Variants in TNKS observed in about 807,000 individuals in gnomAD.
TNKS encodes the protein poly [ADP-ribose] polymerase tankyrase-1.
Under a neutral mutation model 135.8 loss-of-function variants are expected in TNKS, and 72 were observed. That is an observed-to-expected ratio of 0.53 (90% CI 0.44 to 0.64). The LOEUF is 0.64. TNKS is among the 30% of genes least tolerant of loss of function. The probability of loss-of-function intolerance (pLI) is 0.00; values close to 1 mark genes in which losing one functional copy is unlikely to be tolerated. For synonymous variants in TNKS, 849 were observed against 649.3 expected (o/e 1.31, Z -4.68); for missense variants, 1,769 against 1,674.0 (o/e 1.06, Z -0.99).
intron 18 of TNKS, among the ~76,000 whole-genome samples, chr8:9,750,871 C>G (rs1474646019): frequency 6.6e-6 from 1 of 152,238 alleles, no homozygotes; most frequent in Non-Finnish European, 1.5e-5. Context: ...TTTCATCCCG[C>G]AGGGCTCTCC....
chr8:9,723,620 T>G (rs1805015564), intron 12 of TNKS, among the ~76,000 whole-genome samples: 1 of 152,246 alleles, frequency 6.6e-6, no homozygotes, highest in Non-Finnish European at 1.5e-5. Context: ...GATTTCTTTC[T>G]CTAGACTTGC....
Position 9,746,354 on chromosome 8 carries a change from T to C in TNKS, c.2644-1670T>C, listed in dbSNP as rs373466432. ...TATTGTGTGATCGATTGTCTTAGCT[T>C]ATTTTATAAGGATTTTTGGGAAGAA... On this transcript the variant is annotated intron_variant, in intron 17 of 26. Coordinates refer to ENST00000310430, the MANE Select transcript of TNKS (RefSeq NM_003747.3). 5.1e-4 allele frequency among the ~76,000 whole-genome samples: 77 copies of C among 152,340 alleles called. 1 individual carries two copies. The East Asian group carries it at 8.5e-3, about 17-fold the overall frequency.
intron 3 of TNKS, among the ~76,000 whole-genome samples, chr8:9,657,436 C>T (rs112721716): frequency 1.1e-5 from 1 of 94,608 alleles, no homozygotes; most frequent in African/African-American, 4.0e-5. Context: ...CTGACCCCCC[C>T]ACCTCCCTCC....
intron 3 of TNKS, among the ~76,000 whole-genome samples, chr8:9,669,812 A>AGACCGACATT (rs57482554): frequency 6.6e-6 from 1 of 152,004 alleles, no homozygotes; most frequent in Non-Finnish European, 1.5e-5. Context: ...GCCAGTTTCA[A>AGACCGACATT]GAGGGTTCGC....
At chr8:9,760,592 T>C (rs1014362077) in intron 20 of TNKS, among the ~76,000 whole-genome samples, 15 of 152,200 alleles carry the variant, frequency 9.9e-5, no homozygotes, top group Admixed American at 3.9e-4. Context: ...GACTAGTATA[T>C]GGATTGTCAC....
intron 17 of TNKS, among the ~76,000 whole-genome samples, chr8:9,740,263 C>T (rs991872692): frequency 3.3e-5 from 5 of 152,066 alleles, no homozygotes; most frequent in African/African-American, 1.2e-4. Flanking sequence ...CCACTTAATC[C>T]CTTCTTGACT....
chr8:9,719,718 A>C (rs1804781720), intron 11 of TNKS, among the ~76,000 whole-genome samples: 1 of 152,178 alleles, frequency 6.6e-6, no homozygotes, highest in African/African-American at 2.4e-5. Context: ...AGATAAGATG[A>C]GTCAGGTTTG....
rs59789406 is a variant in TNKS at position 9,775,459 on chromosome 8, C to CTATATATATA, written c.3898-1155_3898-1146dup. Among the ~76,000 whole-genome samples the CTATATATATA allele has an allele frequency of 3.9e-3, 318 of 80,546 alleles. 3 individuals carry two copies. The highest frequency in any genetic ancestry group is 5.3e-3 in the Non-Finnish European group (213 of 40,196). 52.8% of individuals were successfully genotyped at this position (80,546 alleles called of 152,430 possible). A position where few individuals can be genotyped will look rare whatever the true frequency, so the allele number is the denominator to read the frequency against. ...ACGGAAAAGAATATTATGAATGGTT[C>CTATATATATA]TATATATATATATATATATATATAT... On this transcript the variant is annotated intron_variant, in intron 26 of 26. Transcript: ENST00000310430.
At chr8:9,630,768 A>G (rs1800260127) in intron 3 of TNKS, among the ~76,000 whole-genome samples, 1 of 152,244 alleles carries the variant, frequency 6.6e-6, no homozygotes, top group Admixed American at 6.5e-5. Flanking sequence ...TAGTCTAGGC[A>G]GAATCATCGT....
intron 1 of TNKS, among the ~76,000 whole-genome samples, chr8:9,572,557 G>A (rs1203073811): frequency 6.6e-6 from 1 of 151,948 alleles, no homozygotes; most frequent in Non-Finnish European, 1.5e-5. Flanking sequence ...CTAGTTTCGG[G>A]ACTATCACTA....
chr8:9,643,556 A>C (rs1172047230), intron 3 of TNKS, among the ~76,000 whole-genome samples: 1 of 152,102 alleles, frequency 6.6e-6, no homozygotes, highest in Non-Finnish European at 1.5e-5. Context: ...ACAAACTTGG[A>C]GGGACACATT....
chr8:9,571,622 T>A (rs1797761690), intron 1 of TNKS, among the ~76,000 whole-genome samples: 1 of 152,184 alleles, frequency 6.6e-6, no homozygotes, highest in Non-Finnish European at 1.5e-5. Flanking sequence ...CACGCCTGGC[T>A]ATTTTTTTAT....
chr8:9,603,012 A>C (rs560674975), intron 2 of TNKS, among the ~76,000 whole-genome samples: 2 of 152,180 alleles, frequency 1.3e-5, no homozygotes, highest in Non-Finnish European at 2.9e-5. Flanking sequence ...TATATTAAAC[A>C]TTTACCAATA....
At chr8:9,627,041 G>A (rs1800083809) in intron 3 of TNKS, among the ~76,000 whole-genome samples, 1 of 152,102 alleles carries the variant, frequency 6.6e-6, no homozygotes, top group Non-Finnish European at 1.5e-5. Flanking sequence ...ACTGAGGAAG[G>A]GAGAGAGGCT....
At chr8:9,625,369 T>A (rs868423900) in intron 3 of TNKS, among the ~76,000 whole-genome samples, 37 of 152,036 alleles carry the variant, frequency 2.4e-4, no homozygotes, top group African/African-American at 7.5e-4. Context: ...TTATTCAAAT[T>A]CTTTTTCTGT....
chr8:9,736,832 G>C (rs1805730056), intron 17 of TNKS, among the ~76,000 whole-genome samples: 1 of 13,566 alleles, frequency 7.4e-5, no homozygotes, highest in African/African-American at 3.2e-4. Flanking sequence ...AAGTCAGGTA[G>C]TGTGATGCCT....
At chr8:9,734,490 T>A (rs912030755) in intron 15 of TNKS, among the ~76,000 whole-genome samples, 6 of 152,200 alleles carry the variant, frequency 3.9e-5, no homozygotes, top group Non-Finnish European at 7.3e-5. Context: ...TTCTTTTTCA[T>A]ACCTACTGAG....
chr8:9,632,041 T>A (rs1214556198), intron 3 of TNKS, among the ~76,000 whole-genome samples: 1 of 152,210 alleles, frequency 6.6e-6, no homozygotes, highest in Admixed American at 6.5e-5. Context: ...TATTGTTGTT[T>A]GTATTCCCTG....
rs73524893 is a variant in TNKS, at chr8:9,632,425, T to C, written c.994+16748T>C. On this transcript the variant is annotated intron_variant, in intron 3 of 26. Transcript: ENST00000310430. ...TGTATTTCTTATTCTTTTCCCTCTA[T>C]ATATTTTTTCTTCTCAGCAATTAAG... Among the ~76,000 whole-genome samples, 887 of 152,314 alleles carry C rather than the reference T, an allele frequency of 5.8e-3. 9 individuals carry two copies. The highest frequency in any genetic ancestry group is 0.02 in the African/African-American group (815 of 41,574).
Sources: allele counts gnomAD v4.1 joint callset (sites outside exome capture counted in the v4.1 genomes callset), GRCh38; gene constraint gnomAD v4.1.1; transcripts MANE v1.5; gene names NCBI Gene and HGNC (gene_info 2026-07-23, HGNC 2026-07-21).